Variants in KIF1B observed in about 807,000 individuals in gnomAD.
The protein encoded by KIF1B is kinesin-like protein KIF1B.
KIF1B carries 76 observed loss-of-function variants against 241.9 expected under a neutral mutation model. That is an observed-to-expected ratio of 0.31 (90% CI 0.26 to 0.38). The LOEUF is 0.38. KIF1B is among the 10% of genes least tolerant of loss of function. The pLI is 1.00. For missense variants in KIF1B, 1,622 were observed against 2,271.4 expected (o/e 0.71, Z 5.81); for synonymous variants, 750 against 796.7 (o/e 0.94, Z 0.99).
At chr1:10,225,306 AG>A (rs756642912) in intron 1 of KIF1B, among the ~76,000 whole-genome samples, 5 of 152,190 alleles carry the variant, frequency 3.3e-5, no homozygotes, top group Admixed American at 1.3e-4. Flanking sequence ...GGACAGAGTG[AG>A]GCCTTGTCTT....
At chr1:10,222,983 G>C (rs1351309049) in intron 1 of KIF1B, among the ~76,000 whole-genome samples, 1 of 152,208 alleles carries the variant, frequency 6.6e-6, no homozygotes, top group Non-Finnish European at 1.5e-5. Flanking sequence ...GCTGGGTGTG[G>C]TGGCTCACGC....
chr1:10,290,063 T>TTC lies in KIF1B; in HGVS notation c.1435-1003_1435-1002dup, dbSNP rs142599252. ...ATTGAATGAATAAATCATCACTTAC[T>TTC]TCTCTCTCTCTCTCTCTGGTATACA... is the stretch of plus-strand genomic sequence containing the variant. On this transcript the variant is annotated intron_variant, in intron 15 of 48. Coordinates refer to ENST00000676179, the MANE Select transcript of KIF1B (RefSeq NM_001365951.3). Among the ~76,000 whole-genome samples, 44 of 150,166 alleles carry TTC rather than the reference T, an allele frequency of 2.9e-4. 1 individual carries two copies. The East Asian group carries it at 3.3e-3, about 11-fold the overall frequency.
In KIF1B at chr1:10,348,689, AGG is replaced by A. The variant is rs752918798; in HGVS notation, c.3908_3909del (p.Gly1303GlufsTer10). ...ATCACAGTGACCATTATCCATGAGAAGGGGAGCGAGCTCCATTGGAAAGATGT... is the reference window on the plus strand; with the variant it reads ...ATCACAGTGACCATTATCCATGAGAAGGAGCGAGCTCCATTGGAAAGATGT... On this transcript the variant is annotated frameshift_variant, in exon 37 of 49. Coordinates refer to ENST00000676179, the MANE Select transcript of KIF1B (RefSeq NM_001365951.3). LOFTEE classifies it high-confidence loss of function. 6.2e-7 allele frequency: 1 copy of A among 1,614,158 alleles called. No individual in the cohort carries two copies. Among genetic ancestry groups the A allele is most frequent in the East Asian group, 2.2e-5 (1 of 44,886 alleles).
chr1:10,270,785 G>A (rs1453067723), intron 7 of KIF1B, among the ~76,000 whole-genome samples: 1 of 151,970 alleles, frequency 6.6e-6, no homozygotes, highest in Non-Finnish European at 1.5e-5. Context: ...AATTAGCTGG[G>A]CGTGGTGGTG....
chr1:10,275,730 T>C (rs1649063118), intron 11 of KIF1B, among the ~76,000 whole-genome samples: 1 of 152,176 alleles, frequency 6.6e-6, no homozygotes, highest in Non-Finnish European at 1.5e-5. Context: ...GCATGAACTG[T>C]GCAGTAGTTG....
At position 10,231,799 on chromosome 1, in the gene KIF1B, C is replaced by T. The variant is rs569481527; in HGVS notation, c.-79-451C>T. Among the ~76,000 whole-genome samples the T allele has an allele frequency of 2.0e-5, 3 of 152,092 alleles. No homozygotes were observed. In the South Asian group the frequency reaches 6.2e-4, roughly 32 times the overall value. The stretch of plus-strand genomic sequence containing the variant: ...GTGTTTTTCATTTATTATTGAAGAT[C>T]GATCCAGAAACACACACAGAGAGAG... On this transcript the variant is annotated intron_variant, in intron 1 of 48. Transcript: ENST00000676179.
chr1:10,305,290 G>T (rs1347068761), intron 22 of KIF1B: 4 of 1,044,204 alleles, frequency 3.8e-6, no homozygotes, highest in African/African-American at 1.7e-5. Flanking sequence ...TCATATAATG[G>T]TTTTTTCTTT....
chr1:10,363,921 C>T (rs538772481), intron 41 of KIF1B, among the ~76,000 whole-genome samples: 9 of 152,168 alleles, frequency 5.9e-5, no homozygotes, highest in African/African-American at 2.2e-4. Context: ...CAAGTCAGGG[C>T]CCACAGGCAA....
At chr1:10,287,914 T>C (rs1304055811) in intron 15 of KIF1B, among the ~76,000 whole-genome samples, 1 of 152,240 alleles carries the variant, frequency 6.6e-6, no homozygotes, top group Non-Finnish European at 1.5e-5. Flanking sequence ...CAGTGGTTTA[T>C]TGTGGTTAGT....
In KIF1B at chr1:10,365,548, CCA is replaced by C; in HGVS notation, c.4654_4655del (p.Thr1552TyrfsTer3). 1 of 1,614,160 alleles carries C rather than the reference CCA, an allele frequency of 6.2e-7. No homozygotes were observed. Among genetic ancestry groups the C allele is most frequent in the Non-Finnish European group, 8.5e-7 (1 of 1,180,030 alleles). The stretch of plus-strand genomic sequence containing the variant: ...ACCAGTATCTCCTCTCAGATCTCAA[CCA>C]CTACCTTTGAAAGCGCCATCACACC... On this transcript the variant is annotated frameshift_variant, in exon 43 of 49. Coordinates refer to ENST00000676179, the MANE Select transcript of KIF1B (RefSeq NM_001365951.3). LOFTEE classifies it high-confidence loss of function. This position sits in a 1 kb window ranked among gnomAD's most constrained non-coding sequence, Gnocchi z 4.0.
intron 1 of KIF1B, among the ~76,000 whole-genome samples, chr1:10,213,380 T>C (rs1297698107): frequency 6.6e-6 from 1 of 152,164 alleles, no homozygotes; most frequent in East Asian, 1.9e-4. Flanking sequence ...TGAATGCACT[T>C]TTCCTTTTTT....
At position 10,275,510 on chromosome 1, in the gene KIF1B, T is replaced by G. The variant is rs1247551060; in HGVS notation, c.958+7T>G. 7.0e-7 allele frequency: 1 copy of G among 1,428,280 alleles called. No individual in the cohort carries two copies. The highest frequency in any genetic ancestry group is 9.9e-7 in the Non-Finnish European group (1 of 1,010,748). 88.5% of individuals were successfully genotyped at this position (1,428,280 alleles called of 1,614,324 possible). A position where few individuals can be genotyped will look rare whatever the true frequency, so the allele number is the denominator to read the frequency against. ...CTCCTTCGAGAAAATTTAGGTATGT[T>G]GACCACTAGTGAAAAGTAGTTATCT... On this transcript the variant is annotated splice_region_variant and intron_variant, in intron 11 of 48. Coordinates refer to ENST00000676179, the MANE Select transcript of KIF1B (RefSeq NM_001365951.3).
intron 2 of KIF1B, among the ~76,000 whole-genome samples, chr1:10,233,008 C>T (rs1055565245): frequency 2.6e-5 from 4 of 152,090 alleles, no homozygotes; most frequent in Admixed American, 6.6e-5. Context: ...GATATGGTTC[C>T]ATAGGCAAAT....
At chr1:10,336,100 G>T (rs1047685016) in intron 28 of KIF1B, among the ~76,000 whole-genome samples, 1 of 152,204 alleles carries the variant, frequency 6.6e-6, no homozygotes, top group African/African-American at 2.4e-5. Flanking sequence ...TGCCAGCATG[G>T]AGACAGTCAG....
intron 40 of KIF1B, among the ~76,000 whole-genome samples, chr1:10,362,097 T>C (rs1190746135): frequency 1.3e-5 from 2 of 152,230 alleles, no homozygotes; most frequent in Non-Finnish European, 2.9e-5. Flanking sequence ...TTAAATGTCA[T>C]CATCATTATT....
intron 12 of KIF1B, 121 bp downstream of exon 12, chr1:10,276,520 C>G (rs1381572722): frequency 1.4e-6 from 1 of 734,138 alleles, no homozygotes; most frequent in African/African-American, 1.7e-5. Context: ...TTCCTTTCCT[C>G]TCATAACAGG....
chr1:10,317,817 C>T (rs569247690), intron 22 of KIF1B, among the ~76,000 whole-genome samples: 19 of 113,288 alleles, frequency 1.7e-4, no homozygotes, highest in Admixed American at 8.9e-4. Flanking sequence ...GGTGACAGAG[C>T]GAGACTCCAC....
At chr1:10,331,050 C>G (rs556993689) in intron 27 of KIF1B, among the ~76,000 whole-genome samples, 96 of 148,670 alleles carry the variant, frequency 6.5e-4, no homozygotes, top group African/African-American at 2.3e-3. Context: ...CACCTGAGAT[C>G]AGGAGTTTGA....
chr1:10,339,103 A>G (rs1465241545), intron 31 of KIF1B, among the ~76,000 whole-genome samples: 1 of 152,086 alleles, frequency 6.6e-6, no homozygotes, highest in Non-Finnish European at 1.5e-5. Context: ...AGAGAGAGAG[A>G]ACGATAACAT....
Sources: allele counts gnomAD v4.1 joint callset (sites outside exome capture counted in the v4.1 genomes callset), GRCh38; gene constraint gnomAD v4.1.1; non-coding constraint Gnocchi (gnomAD v3.1); transcripts MANE v1.5; gene names NCBI Gene and HGNC (gene_info 2026-07-23, HGNC 2026-07-21).